Variants in ST6GALNAC5 observed in about 807,000 individuals in gnomAD.
ST6GALNAC5 encodes ST6 N-acetylgalactosaminide alpha-2,6-sialyltransferase 5, also known as alpha-N-acetylgalactosaminide alpha-2,6-sialyltransferase 5.
In ST6GALNAC5, 27 loss-of-function variants were observed where a neutral mutation model predicts 33.6. The observed-to-expected ratio is 0.80, with a 90% confidence interval of 0.59 to 1.11. The LOEUF (loss-of-function observed/expected upper bound fraction) is 1.11. ST6GALNAC5 is among the 50% of genes least tolerant of loss of function. ST6GALNAC5 has a pLI of 0.00. For missense variants in ST6GALNAC5, 428 were observed against 454.0 expected (o/e 0.94, Z 0.52); for synonymous variants, 194 against 171.2 (o/e 1.13, Z -1.04).
chr1:77,035,878 A>G (rs1651628373), intron 2 of ST6GALNAC5, among the ~76,000 whole-genome samples: 1 of 152,236 alleles, frequency 6.6e-6, no homozygotes, highest in Non-Finnish European at 1.5e-5. Flanking sequence ...AAATTGTCAT[A>G]TGACCCAGTA....
intron 2 of ST6GALNAC5, among the ~76,000 whole-genome samples, chr1:77,026,982 C>T (rs919110155): frequency 5.3e-5 from 8 of 152,144 alleles, no homozygotes; most frequent in African/African-American, 1.9e-4. Flanking sequence ...AGAATGTTTT[C>T]CCCAGTGTAG....
chr1:76,897,739 T>A (rs113306133), intron 2 of ST6GALNAC5, among the ~76,000 whole-genome samples: 15 of 152,100 alleles, frequency 9.9e-5, no homozygotes, highest in Non-Finnish European at 1.8e-4. Flanking sequence ...AAAGTGTCTC[T>A]GCCTAATAAG....
intron 2 of ST6GALNAC5, among the ~76,000 whole-genome samples, chr1:77,043,061 A>T (rs1651885602): frequency 6.6e-6 from 1 of 152,212 alleles, no homozygotes; most frequent in Admixed American, 6.5e-5. Flanking sequence ...AACTGAATAT[A>T]TGCACTACTA....
intron 2 of ST6GALNAC5, among the ~76,000 whole-genome samples, chr1:76,931,303 G>GT (rs1647138612): frequency 6.6e-6 from 1 of 152,078 alleles, no homozygotes; most frequent in South Asian, 2.1e-4. Flanking sequence ...TTTCAGCCTT[G>GT]TAAGACCCTA....
At chr1:76,918,119 A>T (rs1051023057) in intron 2 of ST6GALNAC5, among the ~76,000 whole-genome samples, 37 of 152,182 alleles carry the variant, frequency 2.4e-4, no homozygotes, top group African/African-American at 8.2e-4. Flanking sequence ...GAATTGTTTT[A>T]AAAAAAGTTA....
At chr1:76,903,101 C>T (rs187046972) in intron 2 of ST6GALNAC5, among the ~76,000 whole-genome samples, 48 of 152,160 alleles carry the variant, frequency 3.2e-4, no homozygotes, top group Non-Finnish European at 8.8e-5. Flanking sequence ...AGTAAAAAAA[C>T]AACCCATGGA....
At chr1:76,970,798 G>T (rs1291757899) in intron 2 of ST6GALNAC5, among the ~76,000 whole-genome samples, 1 of 152,136 alleles carries the variant, frequency 6.6e-6, no homozygotes, top group Non-Finnish European at 1.5e-5. Context: ...GTATCATTAA[G>T]AATCATGTGT....
chr1:76,960,852 A>G (rs1238682857), intron 2 of ST6GALNAC5, among the ~76,000 whole-genome samples: 1 of 152,126 alleles, frequency 6.6e-6, no homozygotes, highest in Non-Finnish European at 1.5e-5. Flanking sequence ...TTCTTTTTCA[A>G]GTTGCCCAGA....
At chr1:76,993,514 T>C (rs1649814664) in intron 2 of ST6GALNAC5, among the ~76,000 whole-genome samples, 1 of 152,212 alleles carries the variant, frequency 6.6e-6, no homozygotes, top group Non-Finnish European at 1.5e-5. Flanking sequence ...AAATATGGAG[T>C]ATTGCAGCAC....
chr1:76,932,294 C>T (rs1458699569), intron 2 of ST6GALNAC5, among the ~76,000 whole-genome samples: 1 of 152,036 alleles, frequency 6.6e-6, no homozygotes, highest in African/African-American at 2.4e-5. Flanking sequence ...TGCCGAGTGG[C>T]ATCACAAAGA....
At chr1:76,890,001 T>A (rs1053566556) in intron 2 of ST6GALNAC5, among the ~76,000 whole-genome samples, 1 of 152,162 alleles carries the variant, frequency 6.6e-6, no homozygotes, top group Non-Finnish European at 1.5e-5. Flanking sequence ...ATTTTGTATG[T>A]GTGTTGTTTG....
At chr1:76,984,369 A>T (rs1314188911) in intron 2 of ST6GALNAC5, among the ~76,000 whole-genome samples, 2 of 152,212 alleles carry the variant, frequency 1.3e-5, no homozygotes, top group Non-Finnish European at 2.9e-5. Context: ...AACTACCATC[A>T]GAGAATACTA....
At chr1:76,994,124 C>G (rs1042355311) in intron 2 of ST6GALNAC5, among the ~76,000 whole-genome samples, 2 of 152,160 alleles carry the variant, frequency 1.3e-5, no homozygotes, top group Non-Finnish European at 2.9e-5. Context: ...TTCACAGAGA[C>G]AGCTGAATTC....
chr1:76,971,356 G>A (rs373787855), intron 2 of ST6GALNAC5, among the ~76,000 whole-genome samples: 19 of 152,188 alleles, frequency 1.2e-4, no homozygotes, highest in South Asian at 6.2e-4. Context: ...CAAGTGTTAC[G>A]GGCCCAGAGC....
chr1:77,041,821 T>C (rs1651839786), intron 2 of ST6GALNAC5, among the ~76,000 whole-genome samples: 1 of 152,216 alleles, frequency 6.6e-6, no homozygotes, highest in Non-Finnish European at 1.5e-5. Flanking sequence ...AGGTCTTTGG[T>C]AGAAGATTCT....
At chr1:76,905,091 T>G (rs1646852386) in intron 2 of ST6GALNAC5, among the ~76,000 whole-genome samples, 1 of 152,160 alleles carries the variant, frequency 6.6e-6, no homozygotes, top group African/African-American at 2.4e-5. Flanking sequence ...CACCATTCTC[T>G]ATGTAAGTTA....
intron 2 of ST6GALNAC5, among the ~76,000 whole-genome samples, chr1:77,002,234 G>C (rs868095270): frequency 3.3e-5 from 5 of 152,080 alleles, no homozygotes; most frequent in Admixed American, 6.6e-5. Flanking sequence ...TGTATGTGTC[G>C]AGGAATTTAT....
chr1:77,000,877 C>T (rs571629754), intron 2 of ST6GALNAC5, among the ~76,000 whole-genome samples: 11 of 152,244 alleles, frequency 7.2e-5, no homozygotes, highest in Admixed American at 2.0e-4. Context: ...CAGTACCATG[C>T]TGTTTTGGTT....
At chr1:76,991,650 C>T (rs1393791314) in intron 2 of ST6GALNAC5, among the ~76,000 whole-genome samples, 1 of 152,112 alleles carries the variant, frequency 6.6e-6, no homozygotes, top group Non-Finnish European at 1.5e-5. Flanking sequence ...CATCAGTTTC[C>T]ACATCTTCTC....
Sources: gnomAD v4.1 joint callset for allele counts (sites outside exome capture counted in the v4.1 genomes callset) on GRCh38, gnomAD v4.1.1 for gene constraint, MANE v1.5 for transcripts, NCBI Gene and HGNC (gene_info 2026-07-23, HGNC 2026-07-21) for gene names.